The following PLEKHJ1 variants were observed in gnomAD, a reference collection of about 807,000 sequenced individuals.
PLEKHJ1 encodes the protein pleckstrin homology domain containing J1, also known as pleckstrin homology domain-containing family J member 1.
In PLEKHJ1, 20 loss-of-function variants were observed where a neutral mutation model predicts 21.7. The observed-to-expected ratio is 0.92, with a 90% CI of 0.65 to 1.34. The LOEUF (loss-of-function observed/expected upper bound fraction) is 1.34. Ranked by LOEUF, PLEKHJ1 falls within the 40% of genes most tolerant of loss-of-function variation. The pLI, the probability that PLEKHJ1 is intolerant of heterozygous loss-of-function variation, is 0.00. For missense variants in PLEKHJ1, 241 were observed against 202.0 expected (o/e 1.19, Z -1.17); for synonymous variants, 113 against 80.6 (o/e 1.40, Z -2.15).
Position 2,234,206 on chromosome 19 carries a change from A to G in PLEKHJ1, c.264T>C (p.Phe88=), listed in dbSNP as rs199802607. The G allele has an allele frequency of 1.9e-6, 3 of 1,613,134 alleles. No homozygotes were observed. The highest frequency in any genetic ancestry group is 2.2e-5 in the South Asian group (2 of 91,084). ...GACACTGCTCCTCGCTGCTGCACTC[A>G]AAGTGATACTTCCTCTCAGGGTCCT... is the stretch of plus-strand genomic sequence containing the variant. The part of the protein sequence containing the change: ...FIEDPERKYH[F]ECSSEEQCQE... The change falls in exon 4 of 6, where the codon TTT becomes TTC. Residue 88 remains phenylalanine (F), a synonymous_variant. Transcript: ENST00000326631.
chr19:2,236,213 G>C lies in PLEKHJ1; in HGVS notation c.36C>G (p.Ser12=), dbSNP rs918553815. The C allele has an allele frequency of 6.8e-7, 1 of 1,474,164 alleles. No homozygotes were observed. The highest frequency in any genetic ancestry group is 2.8e-5 in the Admixed American group (1 of 36,358). 91.3% of individuals were successfully genotyped at this position (1,474,164 alleles called of 1,614,324 possible). A position where few individuals can be genotyped will look rare whatever the true frequency, so the allele number is the denominator to read the frequency against. The change falls in exon 1 of 6, where the codon TCC becomes TCG. Residue 12 remains serine, a synonymous_variant. Coordinates refer to ENST00000326631, the MANE Select transcript of PLEKHJ1 (RefSeq NM_018049.3). ...CGGCCGCCATCTCGGCCGGCTGCCG[G>C]GACAGAGCCTGCAGCTCCTTCTCGT... is the stretch of plus-strand genomic sequence containing the variant. ...RYNEKELQAL[S]RQPAEMAAEL...
intron 4 of PLEKHJ1, 38 bp from the exon 5 acceptor site, chr19:2,234,099 T>C (rs2024706714): frequency 1.9e-6 from 3 of 1,612,750 alleles, no homozygotes; most frequent in East Asian, 2.2e-5. Flanking sequence ...ATGCCCGCTC[T>C]GCATGGCTGC....
downstream of PLEKHJ1, chr19:2,231,517 C>G (rs2024596654): frequency 4.9e-6 from 1 of 202,070 alleles, no homozygotes; most frequent in Non-Finnish European, 1.0e-5. Flanking sequence ...CCTCTCAGAC[C>G]CCCACCCTCC....
downstream of PLEKHJ1, chr19:2,230,713 T>C: frequency 2.5e-6 from 1 of 397,798 alleles, no homozygotes; most frequent in Non-Finnish European, 4.4e-6. Flanking sequence ...TTTTAGATGG[T>C]ATAATGCACA....
Position 2,236,239 on chromosome 19 carries a change from T to C in PLEKHJ1, c.10A>G (p.Asn4Asp). The C allele has an allele frequency of 1.4e-6, 2 of 1,434,800 alleles. No homozygotes were observed. The highest frequency in any genetic ancestry group is 1.8e-6 in the Non-Finnish European group (2 of 1,097,192). 88.9% of individuals were successfully genotyped at this position (1,434,800 alleles called of 1,614,324 possible). A position where few individuals can be genotyped will look rare whatever the true frequency, so the allele number is the denominator to read the frequency against. Reference protein sequence around the residue: MRYNEKELQALSRQ... With the variant: MRYDEKELQALSRQ... ...GACAGAGCCTGCAGCTCCTTCTCGT[T>C]GTACCGCATGGCTCCGCGGGGAACG... Residue 4 changes from asparagine to aspartate, a missense_variant, in exon 1 of 6, where the codon AAC becomes GAC. Coordinates refer to ENST00000326631, the MANE Select transcript of PLEKHJ1 (RefSeq NM_018049.3).
chr19:2,231,040 GGA>G, downstream of PLEKHJ1: 1 of 236,054 alleles, frequency 4.2e-6, no homozygotes, highest in Non-Finnish European at 8.3e-6. Flanking sequence ...CGGGTGCCTG[GGA>G]CTGGGTGTGG....
At chr19:2,230,573 T>C (rs1308990482), downstream of PLEKHJ1, 4 of 398,710 alleles carry the variant, frequency 1.0e-5, no homozygotes, top group South Asian at 1.3e-4. Flanking sequence ...CAGCATGCCC[T>C]GCGATGCGGG....
At position 2,233,995 on chromosome 19, in the gene PLEKHJ1, C is replaced by T. The variant is rs1599643384; in HGVS notation, c.384+3G>A. 6.2e-7 allele frequency: 1 copy of T among 1,613,124 alleles called. No homozygotes were observed. Among genetic ancestry groups the T allele is most frequent in the Non-Finnish European group, 8.5e-7 (1 of 1,179,886 alleles). ...CCCCGGCCCTCTGCAGCCCTGCACA[C>T]ACCTTGCCCGTCACCTTCCGGATTT... On this transcript the variant is annotated splice_donor_region_variant and intron_variant, in intron 5 of 5. Coordinates refer to ENST00000326631, the MANE Select transcript of PLEKHJ1 (RefSeq NM_018049.3).
chr19:2,231,029 G>C, downstream of PLEKHJ1: 1 of 236,800 alleles, frequency 4.2e-6, no homozygotes, highest in Non-Finnish European at 8.3e-6. Context: ...TGCAGCCTTG[G>C]CGGGTGCCTG....
downstream of PLEKHJ1, chr19:2,232,299 C>G (rs1025409021): frequency 1.1e-4 from 24 of 216,826 alleles, no homozygotes; most frequent in Admixed American, 1.2e-4. Context: ...TTATCTGCCC[C>G]CAGGATGCGT....
downstream of PLEKHJ1, chr19:2,230,049 G>C (rs2024531292): frequency 1.6e-6 from 1 of 616,874 alleles, no homozygotes; most frequent in Admixed American, 3.2e-5. Context: ...TTCCATCTAA[G>C]TGGTAAAAGG....
At chr19:2,231,037 C>T (rs1599637426), downstream of PLEKHJ1, 2 of 236,334 alleles carry the variant, frequency 8.5e-6, no homozygotes, top group East Asian at 6.0e-5. Flanking sequence ...TGGCGGGTGC[C>T]TGGGACTGGG....
chr19:2,232,814 T>G (rs750180560), downstream of PLEKHJ1, among the ~76,000 whole-genome samples: 1 of 152,132 alleles, frequency 6.6e-6, no homozygotes, highest in Non-Finnish European at 1.5e-5. Flanking sequence ...CAAAGTGCCT[T>G]TTGATGAACG....
intron 1 of PLEKHJ1, 79 bp from the exon 2 acceptor site, chr19:2,236,069 G>T: frequency 2.8e-6 from 4 of 1,430,446 alleles, no homozygotes; most frequent in Non-Finnish European, 3.7e-6. Context: ...GCCCCGACCC[G>T]GACTCCGGCC....
chr19:2,232,579 C>A (rs2024652932), downstream of PLEKHJ1: 1 of 201,166 alleles, frequency 5.0e-6, no homozygotes. Flanking sequence ...TTCACTCGGA[C>A]CTGGTGTGAA....
In PLEKHJ1 at chr19:2,233,737, A is replaced by G. The variant is rs1007891348; in HGVS notation, c.*103T>C. The G allele has an allele frequency of 1.6e-5, 19 of 1,193,960 alleles. No individual in the cohort carries two copies. Among genetic ancestry groups the G allele is most frequent in the Non-Finnish European group, 2.2e-5 (19 of 851,710 alleles). The allele number at this position is 1,193,960 out of a possible 1,614,324, so 74.0% of individuals were successfully genotyped here. ...GGCAACACAGTGAAACCCTGACCCA[A>G]AAACCAAAAACCAAAACAAAACAGA... On this transcript the variant is annotated 3_prime_UTR_variant, in exon 6 of 6. Transcript: ENST00000326631.
chr19:2,231,060 G>C (rs1262859103), downstream of PLEKHJ1: 2 of 234,228 alleles, frequency 8.5e-6, no homozygotes, highest in African/African-American at 4.4e-5. Context: ...TGGAAGGAGA[G>C]GAGCTGAGGC....
In PLEKHJ1 at chr19:2,233,801, A is replaced by G. The variant is rs748804462; in HGVS notation, c.*39T>C. ...AAGCGATTCATGGCTGGGCAGGGCC[A>G]GTCCCGTCCCGCTGCACGCTGACCA... On this transcript the variant is annotated 3_prime_UTR_variant, in exon 6 of 6. Coordinates refer to ENST00000326631, the MANE Select transcript of PLEKHJ1 (RefSeq NM_018049.3). 1.3e-6 allele frequency: 2 copies of G among 1,551,976 alleles called. No homozygotes were observed. The highest frequency in any genetic ancestry group is 1.7e-6 in the Non-Finnish European group (2 of 1,148,026).
At position 2,236,244 on chromosome 19, in the gene PLEKHJ1, C is replaced by T; in HGVS notation, c.5G>A (p.Arg2Gln). Residue 2 changes from arginine to glutamine, a missense_variant, in exon 1 of 6, where the codon CGG becomes CAG. By Grantham distance (43) the Arg-to-Gln change is conservative. Coordinates refer to ENST00000326631, the MANE Select transcript of PLEKHJ1 (RefSeq NM_018049.3). ...AGCCTGCAGCTCCTTCTCGTTGTACCGCATGGCTCCGCGGGGAACGGGAAC... is the reference window on the plus strand; with the variant it reads ...AGCCTGCAGCTCCTTCTCGTTGTACTGCATGGCTCCGCGGGGAACGGGAAC... Reference protein sequence around the residue: MRYNEKELQALS... With the variant: MQYNEKELQALS... 2.1e-6 allele frequency: 3 copies of T among 1,412,096 alleles called. No individual in the cohort carries two copies. The South Asian group carries it at 4.5e-5, about 21-fold the overall frequency. The allele number at this position is 1,412,096 out of a possible 1,614,324, so 87.5% of individuals were successfully genotyped here.
Sources: allele counts gnomAD v4.1 joint callset (sites outside exome capture counted in the v4.1 genomes callset), GRCh38; gene constraint gnomAD v4.1.1; transcripts MANE v1.5; gene names NCBI Gene and HGNC (gene_info 2026-07-23, HGNC 2026-07-21).